Variants in SLC12A8 observed in about 807,000 individuals in gnomAD.
SLC12A8 encodes solute carrier family 12 member 8, also known as cation-chloride cotransporter 9.
In SLC12A8, 69 loss-of-function variants were observed where a neutral mutation model predicts 75.6. The ratio of observed to expected loss-of-function variants is 0.91; its 90% confidence interval spans 0.75 to 1.11. The LOEUF is 1.11. SLC12A8 is among the 50% of genes most tolerant of loss of function. The pLI is 0.00. For synonymous variants in SLC12A8, 365 were observed against 372.8 expected, an observed-to-expected ratio of 0.98 and a Z score of 0.24; for missense variants, 877 against 896.7, an observed-to-expected ratio of 0.98 and a Z score of 0.28.
rs764832282 is a variant in SLC12A8, at chr3:125,110,325, A to T, written c.923T>A (p.Met308Lys). 6.2e-7 allele frequency: 1 copy of T among 1,613,394 alleles called. No individual in the cohort carries two copies. Among genetic ancestry groups the T allele is most frequent in the East Asian group, 2.2e-5 (1 of 44,864 alleles). Residue 308 changes from methionine to lysine, a missense_variant, in exon 9 of 14, where the codon ATG (methionine) becomes AAG (lysine). Physicochemically the swap from Met to Lys is moderately conservative, Grantham distance 95. Transcript: ENST00000469902. ...DFLIAEKVSL[M>K]GFLFLLGLYI... ...TAAGCCCAAAAGGAACAGGAAGCCCATGAGGGATACCTGTGTGAGAAGCGG... is the reference window on the plus strand; with the variant it reads ...TAAGCCCAAAAGGAACAGGAAGCCCTTGAGGGATACCTGTGTGAGAAGCGG...
chr3:125,198,968 T>TG (rs548016863), intron 2 of SLC12A8, among the ~76,000 whole-genome samples: 30 of 151,866 alleles, frequency 2.0e-4, no homozygotes, highest in African/African-American at 7.2e-4. Flanking sequence ...TTAGTAGAGA[T>TG]GGGGTTTCAC....
chr3:125,209,254 A>C (rs1316839013), intron 2 of SLC12A8, among the ~76,000 whole-genome samples: 3 of 152,172 alleles, frequency 2.0e-5, no homozygotes, highest in Admixed American at 6.5e-5. Context: ...ACATAGCAAA[A>C]AGGATGAAAG....
chr3:125,090,411 T>A (rs1264580372), intron 12 of SLC12A8, among the ~76,000 whole-genome samples: 2 of 152,264 alleles, frequency 1.3e-5, no homozygotes, highest in Non-Finnish European at 2.9e-5. Context: ...TGGGGTAGAA[T>A]GTTCTCTAAC....
In SLC12A8 at chr3:125,110,261, A is replaced by G. The variant is rs1448523903; in HGVS notation, c.987T>C (p.Tyr329=). Residue 329 remains tyrosine (Y), a synonymous_variant, in exon 9 of 14, where the codon TAT becomes TAC. Transcript: ENST00000469902. Reference sequence around the variant, plus strand: ...TGCACTGCAGGATGCGGGGAGCTCCATAAAGTCCTCCCATGCAGGAAGCCA... The same window carrying G: ...TGCACTGCAGGATGCGGGGAGCTCCGTAAAGTCCTCCCATGCAGGAAGCCA... The part of the protein sequence containing the change: ...SSLASCMGGL[Y]GAPRILQCIA... The G allele has an allele frequency of 1.9e-6, 3 of 1,614,086 alleles. No homozygotes were observed. The highest frequency in any genetic ancestry group is 2.5e-6 in the Non-Finnish European group (3 of 1,179,934).
At chr3:125,176,321 T>C (rs1193720248) in intron 5 of SLC12A8, among the ~76,000 whole-genome samples, 1 of 152,158 alleles carries the variant, frequency 6.6e-6, no homozygotes, top group African/African-American at 2.4e-5. Context: ...TCCACCTGTC[T>C]CGGCCTCCCA....
intron 2 of SLC12A8, among the ~76,000 whole-genome samples, chr3:125,208,312 T>C (rs1935264900): frequency 6.6e-6 from 1 of 152,158 alleles, no homozygotes; most frequent in African/African-American, 2.4e-5. Context: ...GCCCAAGGTA[T>C]GATTTTGGGT....
chr3:125,160,432 C>T (rs1409093915), intron 5 of SLC12A8, among the ~76,000 whole-genome samples: 1 of 152,224 alleles, frequency 6.6e-6, no homozygotes, highest in Non-Finnish European at 1.5e-5. Context: ...CTACCACTGT[C>T]CTCACTATTA....
chr3:125,094,551 G>A (rs1360674499), intron 10 of SLC12A8, among the ~76,000 whole-genome samples: 1 of 151,988 alleles, frequency 6.6e-6, no homozygotes, highest in Admixed American at 6.6e-5. Flanking sequence ...CTTGTGCCAG[G>A]ATCCCATCCC....
intron 5 of SLC12A8, among the ~76,000 whole-genome samples, chr3:125,168,728 G>A (rs981330018): frequency 5.3e-5 from 8 of 152,200 alleles, no homozygotes; most frequent in Non-Finnish European, 1.0e-4. Context: ...TTGAAGATCA[G>A]GAGATTATGG....
At chr3:125,167,857 A>G (rs970023165) in intron 5 of SLC12A8, among the ~76,000 whole-genome samples, 2 of 152,238 alleles carry the variant, frequency 1.3e-5, no homozygotes, top group African/African-American at 4.8e-5. Context: ...AATTGTTCAG[A>G]AAGGGGCAGA....
chr3:125,166,562 C>T (rs1047199662), intron 5 of SLC12A8, among the ~76,000 whole-genome samples: 6 of 152,316 alleles, frequency 3.9e-5, no homozygotes, highest in African/African-American at 1.4e-4. Context: ...ACACTCAGCT[C>T]CCAGACAATC....
chr3:125,148,338 C>T (rs539950025), intron 5 of SLC12A8, among the ~76,000 whole-genome samples: 56 of 152,226 alleles, frequency 3.7e-4, no homozygotes, highest in African/African-American at 1.3e-3. Context: ...TGGCAGAGGC[C>T]TCAATATTTC....
chr3:125,103,502 T>A (rs1262640360), intron 10 of SLC12A8, among the ~76,000 whole-genome samples: 1 of 147,950 alleles, frequency 6.8e-6, no homozygotes, highest in African/African-American at 2.5e-5. Flanking sequence ...GCTCACCCTG[T>A]CACCAAGGCT....
intron 5 of SLC12A8, among the ~76,000 whole-genome samples, chr3:125,168,713 TG>T (rs1363544645): frequency 2.0e-5 from 3 of 152,186 alleles, no homozygotes; most frequent in Non-Finnish European, 4.4e-5. Flanking sequence ...GTCAAGGTCC[TG>T]GGGTTGAAGA....
chr3:125,173,828 C>T (rs1365114067), intron 5 of SLC12A8, among the ~76,000 whole-genome samples: 4 of 152,214 alleles, frequency 2.6e-5, no homozygotes, highest in East Asian at 1.9e-4. Context: ...CAGTGGCTCA[C>T]GCCTATAATC....
intron 13 of SLC12A8, 38 bp downstream of exon 13, chr3:125,088,272 C>T: frequency 6.2e-7 from 1 of 1,605,390 alleles, no homozygotes; most frequent in Non-Finnish European, 8.5e-7. Flanking sequence ...ACTCTGGACA[C>T]TCATCCATTC....
intron 2 of SLC12A8, among the ~76,000 whole-genome samples, chr3:125,195,977 A>G (rs1046432677): frequency 1.3e-5 from 2 of 152,186 alleles, no homozygotes; most frequent in Non-Finnish European, 2.9e-5. Flanking sequence ...ATAGACCCTA[A>G]TGCCCTCCCC....
intron 12 of SLC12A8, 77 bp downstream of exon 12, chr3:125,091,362 A>G (rs1431446617): frequency 2.2e-6 from 2 of 919,810 alleles, no homozygotes; most frequent in East Asian, 2.4e-5. Context: ...CATTCAATTG[A>G]TATTCAAAAT....
chr3:125,211,302 C>T lies in SLC12A8; in HGVS notation c.48G>A (p.Gln16=). 6.2e-7 allele frequency: 1 copy of T among 1,613,524 alleles called. No individual in the cohort carries two copies. Among genetic ancestry groups the T allele is most frequent in the Non-Finnish European group, 8.5e-7 (1 of 1,179,820 alleles). ...QVQELFHEAA[Q]QDALAQPQPW... ...CCCTGGCACATCCTGAGCCTACCTG[C>T]TGGGCTGCCTCATGGAAGAGCTCCT... The change falls in exon 2 of 14, where the codon CAG becomes CAA. Residue 16 remains glutamine, a synonymous_variant. Transcript: ENST00000469902.
Sources: allele counts gnomAD v4.1 joint callset (sites outside exome capture counted in the v4.1 genomes callset), GRCh38; gene constraint gnomAD v4.1.1; transcripts MANE v1.5; gene names NCBI Gene and HGNC (gene_info 2026-07-23, HGNC 2026-07-21).